CCPG1: variants seen among roughly 807,000 people sequenced by gnomAD.
CCPG1 encodes the protein cell cycle progression 1.
A neutral mutation model predicts 81.3 loss-of-function variants in CCPG1; 46 were observed. That is an observed-to-expected ratio of 0.57 (90% confidence interval 0.45 to 0.72). The LOEUF is 0.72. CCPG1 is among the 30% of genes least tolerant of loss of function. The pLI, the probability that CCPG1 is intolerant of heterozygous loss-of-function variation, is 0.00. For synonymous variants in CCPG1, 330 were observed against 305.2 expected, an observed-to-expected ratio of 1.08 and a Z score of -0.85; for missense variants, 902 against 937.6, an observed-to-expected ratio of 0.96 and a Z score of 0.50.
rs776958605 is a variant in CCPG1 at position 55,359,574 on chromosome 15, G to T, written c.2199C>A (p.Phe733Leu). The part of the protein sequence containing the change: ...EKLDEYIYRH[F>L]FGHTFSPPYG... ...ATGGAGGGGAAAAAGTGTGACCAAAGAAGTGTCTATATATATATTCATCCA... is the reference window on the plus strand; with the variant it reads ...ATGGAGGGGAAAAAGTGTGACCAAATAAGTGTCTATATATATATTCATCCA... Residue 733 changes from phenylalanine to leucine, a missense_variant, in exon 8 of 9, where the codon TTC becomes TTA. This residue lies in a region of CCPG1 where 128 missense variants were observed against 161.2 expected (regional missense o/e 0.79). Coordinates refer to ENST00000442196, the MANE Select transcript of CCPG1 (RefSeq NM_001204450.2). 1 of 1,611,538 alleles carries T rather than the reference G, an allele frequency of 6.2e-7. No individual in the cohort carries two copies. The highest frequency in any genetic ancestry group is 2.2e-5 in the East Asian group (1 of 44,820).
At chr15:55,399,075 C>A (rs1042281660) in intron 1 of CCPG1, among the ~76,000 whole-genome samples, 5 of 151,986 alleles carry the variant, frequency 3.3e-5, no homozygotes, top group Non-Finnish European at 7.4e-5. Flanking sequence ...AAAAGAAAAA[C>A]CTCCCCCAAA....
At chr15:55,380,288 G>GTT (rs57160266) in intron 3 of CCPG1, among the ~76,000 whole-genome samples, 3 of 142,266 alleles carry the variant, frequency 2.1e-5, no homozygotes, top group African/African-American at 7.7e-5. Context: ...ATTTCTTTTT[G>GTT]TTTTTTTTTT....
At chr15:55,374,656 GGT>G (rs2056523939) in intron 5 of CCPG1, among the ~76,000 whole-genome samples, 1 of 151,910 alleles carries the variant, frequency 6.6e-6, no homozygotes, top group Admixed American at 6.6e-5. Context: ...TTTGAGACGG[GGT>G]CTCCCTCTAT....
intron 7 of CCPG1, 126 bp from the exon 8 acceptor site, chr15:55,361,070 A>T: frequency 5.0e-6 from 5 of 998,068 alleles, no homozygotes; most frequent in South Asian, 4.4e-5. Context: ...CCCCCCGGGT[A>T]GTATTTTCAA....
rs1033699620 is a variant in CCPG1, at chr15:55,364,251, C to T, written c.828+937G>A. Among the ~76,000 whole-genome samples the T allele has an allele frequency of 5.3e-5, 8 of 150,460 alleles. No individual in the cohort carries two copies. In the East Asian group the frequency reaches 6.1e-4, roughly 12 times the overall value. ...GAATGGACAGTACAGTCCTGTGAGACGAGATCTAGGTGAGTTATAGGCAGA... is the reference window on the plus strand; with the variant it reads ...GAATGGACAGTACAGTCCTGTGAGATGAGATCTAGGTGAGTTATAGGCAGA... On this transcript the variant is annotated intron_variant, in intron 7 of 8. Coordinates refer to ENST00000442196, the MANE Select transcript of CCPG1 (RefSeq NM_001204450.2).
At chr15:55,399,274 C>G (rs943132134) in intron 1 of CCPG1, among the ~76,000 whole-genome samples, 1 of 151,882 alleles carries the variant, frequency 6.6e-6, no homozygotes, top group Non-Finnish European at 1.5e-5. Flanking sequence ...TTTTTTGTAC[C>G]TGAACACAAC....
chr15:55,394,173 G>A (rs2056974752), intron 1 of CCPG1, among the ~76,000 whole-genome samples: 1 of 152,096 alleles, frequency 6.6e-6, no homozygotes, highest in Non-Finnish European at 1.5e-5. Flanking sequence ...CTTTTTAAGA[G>A]TCGGGGTCTT....
At chr15:55,367,979 T>C (rs75351864) in intron 6 of CCPG1, among the ~76,000 whole-genome samples, 8,306 of 152,254 alleles carry the variant, frequency 0.055, 292 homozygotes, top group East Asian at 0.15. Context: ...TTCTCTAACC[T>C]GATAGCAGGT....
intron 2 of CCPG1, among the ~76,000 whole-genome samples, chr15:55,386,561 G>C (rs558775003): frequency 9.9e-5 from 15 of 151,992 alleles, no homozygotes; most frequent in Non-Finnish European, 1.8e-4. Flanking sequence ...GCATTCTCTT[G>C]CGTATACATA....
chr15:55,380,865 CG>C (rs1183647991), intron 3 of CCPG1, among the ~76,000 whole-genome samples: 3 of 130,662 alleles, frequency 2.3e-5, no homozygotes, highest in East Asian at 2.0e-4. Context: ...TGGCCGGGCG[CG>C]GCGGCTCACG....
In CCPG1 at chr15:55,360,841, C is replaced by T. The variant is rs764249257; in HGVS notation, c.932G>A (p.Arg311Lys). The T allele has an allele frequency of 3.1e-6, 5 of 1,609,116 alleles. No homozygotes were observed. The highest frequency in any genetic ancestry group is 4.2e-6 in the Non-Finnish European group (5 of 1,178,774). The change falls in exon 8 of 9, where the codon AGA becomes AAA. Residue 311 changes from arginine (R) to lysine (K), a missense_variant. By Grantham distance (26) the Arg-to-Lys change is conservative. Coordinates refer to ENST00000442196, the MANE Select transcript of CCPG1 (RefSeq NM_001204450.2). ...TTTTTCTTCCTTCTCCAAGGATACT[C>T]TTAAATACTGATTTTCTGTAGCAAG... Reference protein sequence around the residue: ...TNLATENQYLRVSLEKEEKAL... With the variant: ...TNLATENQYLKVSLEKEEKAL...
At chr15:55,405,358 G>A (rs773699598) in intron 1 of CCPG1, among the ~76,000 whole-genome samples, 1 of 151,516 alleles carries the variant, frequency 6.6e-6, no homozygotes, top group Non-Finnish European at 1.5e-5. Context: ...GCGAAACTCC[G>A]TCTCAAAAAA....
rs201840284 is a variant in CCPG1 at position 55,360,046 on chromosome 15, G to A, written c.1727C>T (p.Ala576Val). The change falls in exon 8 of 9, where the codon GCA (alanine) becomes GTA (valine). Residue 576 changes from alanine (A) to valine (V), a missense_variant. By Grantham distance (64) the Ala-to-Val change is moderately conservative. Coordinates refer to ENST00000442196, the MANE Select transcript of CCPG1 (RefSeq NM_001204450.2). The part of the protein sequence containing the change: ...FSDYLHPQYK[A>V]PTENHHNRGP... ...TCTATTATGATGGTTTTCTGTAGGT[G>A]CCTTATACTGTGGATGTAAATAGTC... The A allele has an allele frequency of 1.8e-4, 292 of 1,613,734 alleles. No individual in the cohort carries two copies. In the Middle Eastern group the frequency reaches 4.6e-3, roughly 26 times the overall value.
At chr15:55,382,133 G>A (rs2056710816) in intron 3 of CCPG1, among the ~76,000 whole-genome samples, 1 of 152,184 alleles carries the variant, frequency 6.6e-6, no homozygotes, top group East Asian at 1.9e-4. Flanking sequence ...TGACCACTGT[G>A]GTAGCTGCTG....
chr15:55,386,939 C>T (rs78353885), intron 2 of CCPG1, among the ~76,000 whole-genome samples: 5,531 of 151,940 alleles, frequency 0.036, 102 homozygotes, highest in African/African-American at 0.05. Flanking sequence ...TAAGTTGAGC[C>T]CTAATGAGAA....
At chr15:55,404,712 G>A (rs191337155) in intron 1 of CCPG1, among the ~76,000 whole-genome samples, 1 of 151,970 alleles carries the variant, frequency 6.6e-6, no homozygotes, top group African/African-American at 2.4e-5. Context: ...CAGGAAAATC[G>A]CTTGAACCCA....
chr15:55,371,722 A>C lies in CCPG1; in HGVS notation c.706+71T>G, dbSNP rs1025457346. 6.2e-6 allele frequency: 9 copies of C among 1,458,744 alleles called. No homozygotes were observed. The African/African-American group carries it at 1.3e-4, about 21-fold the overall frequency. 90.4% of individuals were successfully genotyped at this position (1,458,744 alleles called of 1,614,324 possible). Reference sequence around the variant, plus strand: ...AATAATGGCACTGAAAACAGATCCCAAGAGTCCTCACTCTTAAGTTCCTCT... The same window carrying C: ...AATAATGGCACTGAAAACAGATCCCCAGAGTCCTCACTCTTAAGTTCCTCT... On this transcript the variant is annotated intron_variant, in intron 6 of 8. Transcript: ENST00000442196.
At position 55,371,930 on chromosome 15, in the gene CCPG1, G is replaced by A; in HGVS notation, c.569C>T (p.Ser190Phe). The change falls in exon 6 of 9, where the codon TCT becomes TTT. Residue 190 changes from serine (S) to phenylalanine (F), a missense_variant. Ser to Phe is a radical substitution (Grantham distance 155). This residue lies in a region of CCPG1 where 746 missense variants were observed against 728.6 expected (regional missense o/e 1.02). Coordinates refer to ENST00000442196, the MANE Select transcript of CCPG1 (RefSeq NM_001204450.2). ...TTGTTCAGCAACTAGCCGGTCTTCA[G>A]ATTCTGAAGCAGAAACGGTCTTCTT... ...ARKKTVSASE[S>F]EDRLVAEQET... The A allele has an allele frequency of 6.2e-7, 1 of 1,614,202 alleles. No homozygotes were observed. Among genetic ancestry groups the A allele is most frequent in the South Asian group, 1.1e-5 (1 of 91,088 alleles).
chr15:55,408,042 C>A (rs2057272156), intron 1 of CCPG1, 179 bp downstream of exon 1: 1 of 152,394 alleles, frequency 6.6e-6, no homozygotes, highest in African/African-American at 2.4e-5. Flanking sequence ...CACTCGCGCA[C>A]GGCCCGAGGA....
Sources: allele counts gnomAD v4.1 joint callset (sites outside exome capture counted in the v4.1 genomes callset), GRCh38; gene constraint gnomAD v4.1.1; regional missense constraint gnomAD v4.1.1; transcripts MANE v1.5; gene names NCBI Gene and HGNC (gene_info 2026-07-23, HGNC 2026-07-21).